The following PHF11 variants were observed in gnomAD, a reference collection of about 807,000 sequenced individuals.
PHF11 encodes the protein PHD finger protein 11.
A neutral mutation model predicts 40.5 loss-of-function variants in PHF11; 38 were observed. The ratio of observed to expected loss-of-function variants is 0.94; its 90% CI spans 0.72 to 1.23. The LOEUF is 1.23. PHF11 is among the 50% of genes most tolerant of loss of function. The pLI, the probability that PHF11 is intolerant of heterozygous loss-of-function variation, is 0.00. For synonymous variants in PHF11, 127 were observed against 138.2 expected (o/e 0.92, Z 0.57); for missense variants, 369 against 392.4 (o/e 0.94, Z 0.50).
intron 2 of PHF11, 67 bp downstream of exon 2, chr13:49,506,823 TAAAC>T (rs1436079346): frequency 1.1e-5 from 12 of 1,048,318 alleles, no homozygotes; most frequent in Non-Finnish European, 1.6e-5. Context: ...TAAGAATAGA[TAAAC>T]AACACTTTGG....
At chr13:49,510,603 C>A (rs1175904996) in intron 2 of PHF11, among the ~76,000 whole-genome samples, 1 of 152,108 alleles carries the variant, frequency 6.6e-6, no homozygotes, top group Non-Finnish European at 1.5e-5. Flanking sequence ...TCAGCTTGGA[C>A]TACAAGCACG....
chr13:49,518,336 ATATAT>A (rs1959171495), intron 4 of PHF11, 185 bp downstream of exon 4: 3 of 284,034 alleles, frequency 1.1e-5, no homozygotes, highest in Admixed American at 5.0e-5. Context: ...ATATATATAT[ATATAT>A]TATTTTAGTC....
chr13:49,507,908 C>T (rs1342240107), intron 2 of PHF11, among the ~76,000 whole-genome samples: 1 of 152,214 alleles, frequency 6.6e-6, no homozygotes, highest in East Asian at 1.9e-4. Flanking sequence ...CCTGCAGACA[C>T]TGAGGGACGA....
chr13:49,524,297 A>G, intron 8 of PHF11, 81 bp downstream of exon 8: 1 of 1,156,892 alleles, frequency 8.6e-7, no homozygotes, highest in South Asian at 1.4e-5. Context: ...CAAGAAAAAA[A>G]AAAAGGCCCA....
chr13:49,506,367 G>A (rs1958989120), intron 1 of PHF11, among the ~76,000 whole-genome samples: 1 of 152,072 alleles, frequency 6.6e-6, no homozygotes, highest in Non-Finnish European at 1.5e-5. Flanking sequence ...AACTGAACAA[G>A]CCTCTTGTCT....
In PHF11 at chr13:49,524,200, GACT is replaced by G. The variant is rs1566197706; in HGVS notation, c.757_759del (p.Thr253del). Reference sequence around the variant, plus strand: ...CAATTCCAGAAAAACTCATGGATGAGACTACTTCAGAATCAGGTACTGATGAAG... The same window carrying G: ...CAATTCCAGAAAAACTCATGGATGAGACTTCAGAATCAGGTACTGATGAAG... On this transcript the variant is annotated inframe_deletion, in exon 8 of 10. Transcript: ENST00000378319. The G allele has an allele frequency of 6.2e-7, 1 of 1,608,166 alleles. No individual in the cohort carries two copies. Among genetic ancestry groups the G allele is most frequent in the Non-Finnish European group, 8.5e-7 (1 of 1,176,190 alleles).
At chr13:49,498,063 A>G (rs1296336053) in intron 1 of PHF11, among the ~76,000 whole-genome samples, 1 of 152,192 alleles carries the variant, frequency 6.6e-6, no homozygotes, top group Non-Finnish European at 1.5e-5. Context: ...GGAAAACAAA[A>G]CAAAACTTGT....
intron 2 of PHF11, among the ~76,000 whole-genome samples, chr13:49,507,662 G>A (rs1375911519): frequency 6.6e-6 from 1 of 152,178 alleles, no homozygotes; most frequent in Non-Finnish European, 1.5e-5. Context: ...ACATGTTCAG[G>A]ACACTTACGT....
chr13:49,510,380 T>C (rs189610821), intron 2 of PHF11, among the ~76,000 whole-genome samples: 12 of 152,312 alleles, frequency 7.9e-5, no homozygotes, highest in Admixed American at 2.0e-4. Context: ...TTGGTTATCA[T>C]GTCTTAAGTT....
chr13:49,528,410 T>C (rs148697710), intron 9 of PHF11, 101 bp from the exon 10 acceptor site: 12 of 791,328 alleles, frequency 1.5e-5, no homozygotes, highest in Non-Finnish European at 2.4e-5. Context: ...GGCACGAGGA[T>C]TGTGTATCTG....
intron 1 of PHF11, among the ~76,000 whole-genome samples, chr13:49,499,450 A>G (rs1043227371): frequency 2.0e-5 from 3 of 152,200 alleles, no homozygotes; most frequent in African/African-American, 2.4e-5. Context: ...ATTCCTATTT[A>G]TACATTCTAA....
chr13:49,525,879 G>A, intron 8 of PHF11: 1 of 438,860 alleles, frequency 2.3e-6, no homozygotes, highest in East Asian at 7.1e-5. Context: ...CAAATACCAA[G>A]AATTGGGGGC....
chr13:49,505,600 T>G (rs1347753572), intron 1 of PHF11, among the ~76,000 whole-genome samples: 1 of 152,214 alleles, frequency 6.6e-6, no homozygotes, highest in African/African-American at 2.4e-5. Context: ...GGATGAACAT[T>G]GCAATGGGCA....
At chr13:49,523,104 C>G (rs1959197908) in intron 6 of PHF11, 71 bp from the exon 7 acceptor site, 2 of 1,067,928 alleles carry the variant, frequency 1.9e-6, no homozygotes, top group Admixed American at 3.4e-5. Context: ...TAGTTATGCA[C>G]AGCAAAAGAC....
chr13:49,496,156 AG>A, intron 1 of PHF11, 61 bp downstream of exon 1: 1 of 1,004,528 alleles, frequency 1.0e-6, no homozygotes, highest in Non-Finnish European at 1.3e-6. Context: ...GGCCCGGTCA[AG>A]GGGCCTGCCT....
rs1959210332 is a variant in PHF11 at position 49,524,205 on chromosome 13, C to T, written c.758C>T (p.Thr253Ile). ...CCAGAAAAACTCATGGATGAGACTA[C>T]TTCAGAATCAGGTACTGATGAAGAG... The part of the protein sequence containing the change: ...SIPEKLMDET[T>I]SESDYEEIGS... Residue 253 changes from threonine (T) to isoleucine (I), a missense_variant, in exon 8 of 10, where the codon ACT becomes ATT. By Grantham distance (89) the Thr-to-Ile change is moderately conservative. Coordinates refer to ENST00000378319, the MANE Select transcript of PHF11 (RefSeq NM_001040443.3). 1.2e-6 allele frequency: 2 copies of T among 1,607,906 alleles called. No homozygotes were observed. Among genetic ancestry groups the T allele is most frequent in the Admixed American group, 1.7e-5 (1 of 59,546 alleles).
chr13:49,496,560 C>A, intron 1 of PHF11: 1 of 570,476 alleles, frequency 1.8e-6, no homozygotes, highest in Non-Finnish European at 2.2e-6. Context: ...GTCTCCCCTT[C>A]TCCAGTCGTT....
At chr13:49,496,312 C>T in intron 1 of PHF11, 1 of 856,846 alleles carries the variant, frequency 1.2e-6, no homozygotes, top group Non-Finnish European at 1.5e-6. Context: ...CGGCCCAGGC[C>T]AGTTCCACAG....
intron 2 of PHF11, among the ~76,000 whole-genome samples, chr13:49,509,742 G>T (rs1350267450): frequency 6.6e-6 from 1 of 152,102 alleles, no homozygotes; most frequent in Admixed American, 6.5e-5. Flanking sequence ...CTTGCCTGCT[G>T]CCATGTAAAA....
Sources: gnomAD v4.1 joint callset for allele counts (sites outside exome capture counted in the v4.1 genomes callset) on GRCh38, gnomAD v4.1.1 for gene constraint, MANE v1.5 for transcripts, NCBI Gene and HGNC (gene_info 2026-07-23, HGNC 2026-07-21) for gene names.